The following GSE1 variants were observed in gnomAD, a reference collection of about 807,000 sequenced individuals.
The protein encoded by GSE1 is genetic suppressor element 1.
Under a neutral mutation model 112.6 loss-of-function variants are expected in GSE1, and 32 were observed. That is an observed-to-expected ratio of 0.28 (90% CI 0.21 to 0.38). The LOEUF (loss-of-function observed/expected upper bound fraction) is 0.38, where lower values mean the gene tolerates loss of function less well. GSE1 is among the 10% of genes least tolerant of loss of function. The pLI is 1.00. For synonymous variants in GSE1, 1,115 were observed against 735.6 expected (o/e 1.52, Z -8.35); for missense variants, 2,348 against 1,699.2 (o/e 1.38, Z -6.71).
intron 2 of GSE1, among the ~76,000 whole-genome samples, chr16:85,647,734 G>A (rs556913619): frequency 5.3e-5 from 8 of 152,292 alleles, no homozygotes; most frequent in Admixed American, 5.2e-4. Context: ...CTACAGGCGC[G>A]CGCCATCACG....
intron 2 of GSE1, among the ~76,000 whole-genome samples, chr16:85,509,902 G>C (rs896501514): frequency 6.6e-6 from 1 of 152,246 alleles, no homozygotes; most frequent in Non-Finnish European, 1.5e-5. Flanking sequence ...CCTGCAGACG[G>C]TTCCTCTGAC....
rs555590706 is a variant in GSE1 at position 85,666,174 on chromosome 16, T to C, written c.2957T>C (p.Leu986Pro). The change falls in exon 13 of 16, where the codon CTG (leucine) becomes CCG (proline). Residue 986 changes from leucine to proline, a missense_variant. Leu to Pro is a moderately conservative substitution (Grantham distance 98). Coordinates refer to ENST00000253458, the MANE Select transcript of GSE1 (RefSeq NM_014615.5). ...GAGGCCCCTGGAGGCAAAAAGAGTC[T>C]GAGCATGCTTCACTATATCCGGGGC... ...LSEAPGGKKS[L>P]SMLHYIRGAA... The C allele has an allele frequency of 1.2e-6, 2 of 1,613,526 alleles. No homozygotes were observed. The highest frequency in any genetic ancestry group is 2.7e-5 in the African/African-American group (2 of 75,058).
At chr16:85,480,491 G>A (rs1362674889) in intron 2 of GSE1, among the ~76,000 whole-genome samples, 3 of 152,162 alleles carry the variant, frequency 2.0e-5, no homozygotes, top group South Asian at 4.1e-4. Flanking sequence ...CTTGGGCCTC[G>A]ACACTCCTGT....
chr16:85,449,622 A>G (rs2049617147), intron 2 of GSE1, among the ~76,000 whole-genome samples: 1 of 152,228 alleles, frequency 6.6e-6, no homozygotes, highest in African/African-American at 2.4e-5. Flanking sequence ...TGAAGCCCAA[A>G]TGCCTTGTTC....
At chr16:85,601,250 C>T (rs1049988811) in intron 1 of GSE1, among the ~76,000 whole-genome samples, 2 of 151,276 alleles carry the variant, frequency 1.3e-5, no homozygotes, top group Non-Finnish European at 2.9e-5. Flanking sequence ...ACCCCAGAGG[C>T]AGGCTGAGGG....
chr16:85,460,308 C>A (rs1446371093), intron 2 of GSE1, among the ~76,000 whole-genome samples: 1 of 152,196 alleles, frequency 6.6e-6, no homozygotes, highest in Non-Finnish European at 1.5e-5. Context: ...CCTGGACCCC[C>A]TTCTCCAGAG....
Position 85,213,573 on chromosome 16 carries a change from C to T in GSE1, c.2283+41766C>T, listed in dbSNP as rs1165880543. Reference sequence around the variant, plus strand: ...AATTCCAACAGTGGCATTTCCGAGCCGAAGTGTCACGTGTCCGGGCTATGG... The same window carrying T: ...AATTCCAACAGTGGCATTTCCGAGCTGAAGTGTCACGTGTCCGGGCTATGG... On this transcript the variant is annotated intron_variant, in intron 1 of 2. Coordinates refer to the GSE1 transcript ENST00000637419. Among the ~76,000 whole-genome samples the T allele has an allele frequency of 3.3e-5, 5 of 152,228 alleles. No homozygotes were observed. In the East Asian group the frequency reaches 5.8e-4, roughly 18 times the overall value.
intron 2 of GSE1, among the ~76,000 whole-genome samples, chr16:85,640,452 G>A (rs547586895): frequency 2.0e-5 from 3 of 152,228 alleles, no homozygotes; most frequent in Non-Finnish European, 4.4e-5. Context: ...GCGGGGCCCT[G>A]TGCCGCCTTC....
chr16:85,622,301 C>G (rs1420802833), intron 1 of GSE1, among the ~76,000 whole-genome samples: 1 of 152,158 alleles, frequency 6.6e-6, no homozygotes. Context: ...TGTCTGGGCA[C>G]AGCACTTGGG....
intron 1 of GSE1, among the ~76,000 whole-genome samples, chr16:85,584,601 G>A (rs953593383): frequency 6.6e-6 from 1 of 150,996 alleles, no homozygotes; most frequent in African/African-American, 2.4e-5. Flanking sequence ...CCCCGCACGC[G>A]TTCTTTCTCA....
chr16:85,281,610 A>G (rs1018161818), intron 1 of GSE1, among the ~76,000 whole-genome samples: 21 of 152,150 alleles, frequency 1.4e-4, no homozygotes, highest in African/African-American at 4.8e-4. Flanking sequence ...TAAAAACGAT[A>G]TGCAATGCTC....
At chr16:85,426,565 G>T in intron 2 of GSE1, among the ~76,000 whole-genome samples, 1 of 146,968 alleles carries the variant, frequency 6.8e-6, no homozygotes, top group African/African-American at 2.5e-5. Flanking sequence ...GGATGGATGG[G>T]GGGTGAATGA....
intron 1 of GSE1, among the ~76,000 whole-genome samples, chr16:85,196,351 A>G (rs1239813967): frequency 6.6e-6 from 1 of 152,040 alleles, no homozygotes. Context: ...TTTCATGGAG[A>G]ACTTGGAGGG....
intron 1 of GSE1, among the ~76,000 whole-genome samples, chr16:85,185,709 T>G (rs2074685984): frequency 6.6e-6 from 1 of 152,218 alleles, no homozygotes; most frequent in South Asian, 2.1e-4. Context: ...GTGTGGGCTT[T>G]TGGGAGCCCC....
chr16:85,397,008 A>T (rs1360689532), intron 2 of GSE1, among the ~76,000 whole-genome samples: 5 of 152,128 alleles, frequency 3.3e-5, no homozygotes, highest in Non-Finnish European at 7.4e-5. Flanking sequence ...CAGAGCAAGG[A>T]CCAAGAGACG....
intron 1 of GSE1, among the ~76,000 whole-genome samples, chr16:85,224,228 G>C (rs766566024): frequency 1.5e-5 from 2 of 136,548 alleles, no homozygotes; most frequent in Non-Finnish European, 3.1e-5. Context: ...TGAAGGATGC[G>C]CATGAAAAGC....
At chr16:85,312,204 C>CGGCGG (rs1345590811) in intron 1 of GSE1, among the ~76,000 whole-genome samples, 3 of 55,794 alleles carry the variant, frequency 5.4e-5, no homozygotes, top group Non-Finnish European at 1.0e-4. Flanking sequence ...GATCCTCTTG[C>CGGCGG]GGGGGGGGGG....
intron 1 of GSE1, among the ~76,000 whole-genome samples, chr16:85,340,659 A>T (rs2046605679): frequency 6.6e-6 from 1 of 152,142 alleles, no homozygotes; most frequent in South Asian, 2.1e-4. Flanking sequence ...ACAAAGAAAA[A>T]ACATCTTCAC....
At chr16:85,626,386 G>C (rs562588676) in intron 1 of GSE1, among the ~76,000 whole-genome samples, 1 of 152,380 alleles carries the variant, frequency 6.6e-6, no homozygotes, top group African/African-American at 2.4e-5. Flanking sequence ...ACCCGACCTC[G>C]TTAGGGCCAC....
Sources: gnomAD v4.1 joint callset for allele counts (sites outside exome capture counted in the v4.1 genomes callset) on GRCh38, gnomAD v4.1.1 for gene constraint, MANE v1.5 for transcripts, NCBI Gene and HGNC (gene_info 2026-07-23, HGNC 2026-07-21) for gene names.